Variants in PTPRK observed in about 807,000 individuals in gnomAD.
PTPRK encodes receptor-type tyrosine-protein phosphatase kappa.
In PTPRK, 75 loss-of-function variants were observed where a neutral mutation model predicts 178.0. The observed-to-expected ratio is 0.42, with a 90% confidence interval of 0.35 to 0.51. PTPRK has a LOEUF of 0.51. Among genes scored for constraint, PTPRK ranks in the 20% least tolerant of loss-of-function variants. PTPRK has a pLI of 0.02. For synonymous variants in PTPRK, 637 were observed against 620.6 expected (o/e 1.03, Z -0.39); for missense variants, 1,441 against 1,797.8 (o/e 0.80, Z 3.59).
intron 11 of PTPRK, among the ~76,000 whole-genome samples, chr6:128,073,428 T>C (rs1238024319): frequency 1.3e-5 from 2 of 151,900 alleles, no homozygotes; most frequent in Admixed American, 1.3e-4. Context: ...TTTATATGGG[T>C]TGGTCAAGAA....
intron 1 of PTPRK, among the ~76,000 whole-genome samples, chr6:128,409,694 G>T (rs554859285): frequency 6.6e-6 from 1 of 152,264 alleles, no homozygotes; most frequent in Non-Finnish European, 1.5e-5. Context: ...GGTGTTGTGG[G>T]AGGGGGCCGA....
chr6:128,138,046 G>C (rs1361271886), intron 7 of PTPRK, among the ~76,000 whole-genome samples: 1 of 151,974 alleles, frequency 6.6e-6, no homozygotes, highest in Non-Finnish European at 1.5e-5. Flanking sequence ...TAAAAATAAA[G>C]ACTTATTATT....
chr6:128,511,664 A>G lies in PTPRK; in HGVS notation c.100+8595T>C, dbSNP rs9402047. On this transcript the variant is annotated intron_variant, in intron 1 of 29. Coordinates refer to ENST00000368226, the MANE Select transcript of PTPRK (RefSeq NM_002844.4). ...ACCTGAACTGTAGTTAGGAGAGACA[A>G]ATAAATTCACCTTTTGTTGCAACCA... Among the ~76,000 whole-genome samples, 14 of 152,340 alleles carry G rather than the reference A, an allele frequency of 9.2e-5. No individual in the cohort carries two copies. The East Asian group carries it at 2.7e-3, about 29-fold the overall frequency.
rs761190540 is a variant in PTPRK, at chr6:127,981,106, A to C, written c.3711+10T>G. 1.2e-6 allele frequency: 2 copies of C among 1,611,014 alleles called. No homozygotes were observed. Among genetic ancestry groups the C allele is most frequent in the Admixed American group, 3.3e-5 (2 of 60,008 alleles). On this transcript the variant is annotated intron_variant, in intron 25 of 29. Transcript: ENST00000368226. ...AACACTCTACACTAACAAAGAGGGC[A>C]GTCTCTTACGTCCATAAGAGCAGCA... is the stretch of plus-strand genomic sequence containing the variant.
Position 128,134,968 on chromosome 6 carries a change from A to G in PTPRK, c.1163-44976T>C, listed in dbSNP as rs1201895848. Among the ~76,000 whole-genome samples, 7 of 152,254 alleles carry G rather than the reference A, an allele frequency of 4.6e-5. No homozygotes were observed. In the East Asian group the frequency reaches 1.4e-3, roughly 29 times the overall value. On this transcript the variant is annotated intron_variant, in intron 7 of 29. Transcript: ENST00000368226. ...AGAAATCTGACTCTAGACTGCCTTC[A>G]GACTCAAGATTGCAACATCCACTAT...
At chr6:128,193,313 T>G (rs1804215682) in intron 6 of PTPRK, among the ~76,000 whole-genome samples, 2 of 133,004 alleles carry the variant, frequency 1.5e-5, no homozygotes, top group Non-Finnish European at 3.2e-5. Flanking sequence ...AAGGCACAGC[T>G]ACAATTCTAG....
intron 3 of PTPRK, among the ~76,000 whole-genome samples, chr6:128,243,460 C>T (rs1373091426): frequency 1.1e-4 from 15 of 135,672 alleles, no homozygotes; most frequent in African/African-American, 4.3e-4. Context: ...TCAAGACCAG[C>T]CTAGGGAACA....
intron 7 of PTPRK, among the ~76,000 whole-genome samples, chr6:128,099,695 G>A (rs1417466435): frequency 6.6e-6 from 1 of 151,996 alleles, no homozygotes; most frequent in East Asian, 1.9e-4. Flanking sequence ...GTAAGTGTCT[G>A]GTAACATGCT....
At chr6:128,231,169 G>C (rs1025800980) in intron 5 of PTPRK, among the ~76,000 whole-genome samples, 1 of 152,058 alleles carries the variant, frequency 6.6e-6, no homozygotes, top group Non-Finnish European at 1.5e-5. Context: ...ATATGAGATC[G>C]GTGACTTTAT....
intron 7 of PTPRK, among the ~76,000 whole-genome samples, chr6:128,116,658 G>A (rs1225715733): frequency 2.0e-5 from 3 of 152,214 alleles, no homozygotes; most frequent in Non-Finnish European, 4.4e-5. Flanking sequence ...TTAGAGGAGA[G>A]TTGTGGAATT....
chr6:128,300,009 C>T (rs1825285773), intron 3 of PTPRK, among the ~76,000 whole-genome samples: 2 of 152,194 alleles, frequency 1.3e-5, no homozygotes, highest in Non-Finnish European at 2.9e-5. Flanking sequence ...CTACAATGAA[C>T]TCAAACAAAT....
rs1355685752 is a variant in PTPRK, at chr6:128,520,299, A to C, written c.60T>G (p.Pro20=). ...CTTGGGCCGATCCCAGGAGAGGCCA[A>C]GGAGAGAGGAGCAAGAGCGCCACAA... ...PAFVALLLLS[P]WPLLGSAQGQ... is the part of the protein sequence containing the mutation. Residue 20 remains proline (P), a synonymous_variant, in exon 1 of 30, where the codon CCT becomes CCG. Transcript: ENST00000368226. 1.2e-6 allele frequency: 2 copies of C among 1,609,834 alleles called. No individual in the cohort carries two copies. The highest frequency in any genetic ancestry group is 1.1e-5 in the South Asian group (1 of 90,286).
intron 5 of PTPRK, among the ~76,000 whole-genome samples, chr6:128,226,769 T>C (rs1037972346): frequency 1.2e-4 from 12 of 102,290 alleles, no homozygotes; most frequent in Non-Finnish European, 1.9e-5. Context: ...GACATATATA[T>C]ATATATATAT....
intron 1 of PTPRK, among the ~76,000 whole-genome samples, chr6:128,423,018 C>G (rs1255711548): frequency 6.6e-6 from 1 of 152,170 alleles, no homozygotes; most frequent in Non-Finnish European, 1.5e-5. Context: ...AAAGAAGAAA[C>G]TATTTGTAAT....
At position 128,495,040 on chromosome 6, in the gene PTPRK, T is replaced by A. The variant is rs555403567; in HGVS notation, c.100+25219A>T. Among the ~76,000 whole-genome samples, 27 of 152,340 alleles carry A rather than the reference T, an allele frequency of 1.8e-4. No homozygotes were observed. The South Asian group carries it at 5.6e-3, about 32-fold the overall frequency. ...ACCACTAAAGAAAATATAAGAATTT[T>A]AAAAATATTTCTTCCTTTCTTCATA... On this transcript the variant is annotated intron_variant, in intron 1 of 29. Transcript: ENST00000368226.
intron 3 of PTPRK, among the ~76,000 whole-genome samples, chr6:128,300,112 C>T (rs1825312694): frequency 6.6e-6 from 1 of 152,036 alleles, no homozygotes; most frequent in South Asian, 2.1e-4. Flanking sequence ...GCCAAAAACA[C>T]GTGAAAAAAT....
intron 1 of PTPRK, among the ~76,000 whole-genome samples, chr6:128,406,279 T>C (rs938185400): frequency 1.6e-4 from 24 of 151,636 alleles, no homozygotes; most frequent in Admixed American, 9.9e-4. Context: ...ATTATATATA[T>C]AAAACTTTAT....
chr6:128,115,478 G>A lies in PTPRK; in HGVS notation c.1163-25486C>T, dbSNP rs545624293. On this transcript the variant is annotated intron_variant, in intron 7 of 29. Transcript: ENST00000368226. Reference sequence around the variant, plus strand: ...CATATAGACAGGTATACAGCCACAAGAGTAATGATTTTATTATAAAAAGCT... The same window carrying A: ...CATATAGACAGGTATACAGCCACAAAAGTAATGATTTTATTATAAAAAGCT... Among the ~76,000 whole-genome samples, 408 of 152,110 alleles carry A rather than the reference G, an allele frequency of 2.7e-3. 4 individuals carry two copies. Among genetic ancestry groups the A allele is most frequent in the Non-Finnish European group, 4.1e-3 (279 of 67,958 alleles).
chr6:128,457,360 T>C (rs1462376928), intron 1 of PTPRK, among the ~76,000 whole-genome samples: 1 of 152,112 alleles, frequency 6.6e-6, no homozygotes, highest in African/African-American at 2.4e-5. Flanking sequence ...TATAACCAAG[T>C]TCAGAATAAA....
Sources: gnomAD v4.1 joint callset for allele counts (sites outside exome capture counted in the v4.1 genomes callset) on GRCh38, gnomAD v4.1.1 for gene constraint, MANE v1.5 for transcripts, NCBI Gene and HGNC (gene_info 2026-07-23, HGNC 2026-07-21) for gene names.